DACH2: variants seen among roughly 807,000 people sequenced by gnomAD.
DACH2 encodes dachshund homolog 2.
In DACH2, 17 loss-of-function variants were observed where a neutral mutation model predicts 35.8. The ratio of observed to expected loss-of-function variants is 0.48; its 90% confidence interval spans 0.33 to 0.71. The LOEUF (loss-of-function observed/expected upper bound fraction) is 0.71, where lower values mean the gene tolerates loss of function less well. Among genes scored for constraint, DACH2 ranks in the 30% least tolerant of loss-of-function variants. The pLI, the probability that DACH2 is intolerant of heterozygous loss-of-function variation, is 0.02. For synonymous variants in DACH2, 195 were observed against 177.3 expected, an observed-to-expected ratio of 1.10 and a Z score of -0.79; for missense variants, 469 against 472.7, an observed-to-expected ratio of 0.99 and a Z score of 0.07.
chrX:86,220,002 CA>C (rs574196058), intron 1 of DACH2, among the ~76,000 whole-genome samples: 1 of 61,278 alleles, frequency 1.6e-5, no homozygotes, highest in Admixed American at 2.0e-4. Context: ...ACTAAAAATA[CA>C]AAAAAAAAAA....
At chrX:86,408,543 T>C (rs1019905272) in intron 2 of DACH2, among the ~76,000 whole-genome samples, 1 of 112,222 alleles carries the variant, frequency 8.9e-6, no homozygotes, top group Non-Finnish European at 1.9e-5. Flanking sequence ...ACACCAAATA[T>C]AGCATCTTGG....
chrX:86,324,735 G>T (rs1602404669), intron 1 of DACH2, among the ~76,000 whole-genome samples: 1 of 105,705 alleles, frequency 9.5e-6, no homozygotes, highest in South Asian at 4.3e-4. Flanking sequence ...CCCGCACCTT[G>T]CCTGGCTAAT....
chrX:86,781,029 G>T (rs2042084604), intron 7 of DACH2, among the ~76,000 whole-genome samples: 1 of 111,541 alleles, frequency 9.0e-6, no homozygotes, highest in South Asian at 3.8e-4. Flanking sequence ...TATAAACTCA[G>T]TGTTTCAGCT....
At chrX:86,247,106 A>C (rs145243288) in intron 1 of DACH2, among the ~76,000 whole-genome samples, 1 of 112,142 alleles carries the variant, frequency 8.9e-6, no homozygotes, top group Non-Finnish European at 1.9e-5. Context: ...GGTAAGGTTC[A>C]ATTCAACAAG....
intron 11 of DACH2, among the ~76,000 whole-genome samples, chrX:86,821,362 T>C (rs770405595): frequency 9.0e-6 from 1 of 110,984 alleles, no homozygotes; most frequent in African/African-American, 3.3e-5. Flanking sequence ...CCTTGAAGAG[T>C]AGGATCCTTT....
intron 2 of DACH2, among the ~76,000 whole-genome samples, chrX:86,429,629 C>G (rs1408287568): frequency 9.2e-6 from 1 of 109,062 alleles, no homozygotes; most frequent in Non-Finnish European, 1.9e-5. Flanking sequence ...GGTGCGATCT[C>G]GGCTCACTGC....
At chrX:86,637,915 T>C (rs969456261) in intron 3 of DACH2, among the ~76,000 whole-genome samples, 7 of 111,893 alleles carry the variant, frequency 6.3e-5, no homozygotes, top group Admixed American at 4.7e-4. Context: ...GTCATTTTCC[T>C]AAAATTCACG....
intron 7 of DACH2, among the ~76,000 whole-genome samples, chrX:86,747,126 A>T (rs1337911869): frequency 9.0e-6 from 1 of 111,558 alleles, no homozygotes; most frequent in Non-Finnish European, 1.9e-5. Flanking sequence ...ATAAAGACAT[A>T]TGAGTCTTTT....
chrX:86,686,805 G>A (rs2040949622), intron 4 of DACH2, among the ~76,000 whole-genome samples: 1 of 111,813 alleles, frequency 8.9e-6, no homozygotes, highest in African/African-American at 3.2e-5. Flanking sequence ...GAAGAGCACT[G>A]TGCCTTCATC....
At chrX:86,152,088 G>C (rs1486145368) in intron 1 of DACH2, among the ~76,000 whole-genome samples, 1 of 111,878 alleles carries the variant, frequency 8.9e-6, no homozygotes, top group African/African-American at 3.2e-5. Context: ...TTAGCGAATA[G>C]AAACTCTTAA....
chrX:86,544,319 C>T (rs2038928741), intron 3 of DACH2, among the ~76,000 whole-genome samples: 1 of 110,741 alleles, frequency 9.0e-6, no homozygotes, highest in South Asian at 3.9e-4. Flanking sequence ...TACCAGACAA[C>T]AATCCCTAAG....
intron 2 of DACH2, among the ~76,000 whole-genome samples, chrX:86,478,170 T>G (rs780810976): frequency 1.8e-5 from 2 of 112,033 alleles, no homozygotes; most frequent in Non-Finnish European, 3.8e-5. Flanking sequence ...ATATTCTGTA[T>G]TTTTCTGTGT....
At chrX:86,490,543 T>C (rs2038080018) in intron 2 of DACH2, among the ~76,000 whole-genome samples, 1 of 111,440 alleles carries the variant, frequency 9.0e-6, no homozygotes, top group South Asian at 3.7e-4. Context: ...CGATGGAATA[T>C]AGCAACTGCC....
At chrX:86,167,461 G>T (rs1399743750) in intron 1 of DACH2, among the ~76,000 whole-genome samples, 5 of 109,691 alleles carry the variant, frequency 4.6e-5, no homozygotes, top group African/African-American at 1.7e-4. Context: ...TTCTTAATTA[G>T]TCTGGCTAAA....
chrX:86,158,046 TA>T lies in DACH2; in HGVS notation c.488+8943del, dbSNP rs949999246. On this transcript the variant is annotated intron_variant, in intron 1 of 11. Transcript: ENST00000373125. ...GCATACTAAATTCACAGAAACTATA[TA>T]AAAACTTTAATATGATAAAAAAGAT... is the stretch of plus-strand genomic sequence containing the variant. 8.2e-4 allele frequency among the ~76,000 whole-genome samples: 91 copies of T among 111,332 alleles called. No homozygotes were observed. In the Middle Eastern group the frequency reaches 0.033, roughly 40 times the overall value.
intron 3 of DACH2, among the ~76,000 whole-genome samples, chrX:86,593,398 TTTTTATTTTATTTTA>T (rs199630866): frequency 1.3e-4 from 12 of 91,466 alleles, no homozygotes; most frequent in Admixed American, 5.6e-4. Context: ...TATATATATT[TTTTTATTTTATTTTA>T]TTTTATTTTA....
intron 1 of DACH2, among the ~76,000 whole-genome samples, chrX:86,244,186 A>G (rs2033229449): frequency 9.0e-6 from 1 of 111,697 alleles, no homozygotes; most frequent in Admixed American, 9.6e-5. Flanking sequence ...AGCAAAGCCA[A>G]TCAAAAAGAT....
intron 1 of DACH2, among the ~76,000 whole-genome samples, chrX:86,152,431 T>G (rs1055388883): frequency 9.0e-6 from 1 of 111,621 alleles, no homozygotes; most frequent in Non-Finnish European, 1.9e-5. Flanking sequence ...AATGAATGAG[T>G]AAAATATATA....
chrX:86,377,808 A>G (rs777994517), intron 2 of DACH2, among the ~76,000 whole-genome samples: 1 of 110,667 alleles, frequency 9.0e-6, no homozygotes, highest in Admixed American at 9.6e-5. Flanking sequence ...CATACAAAAT[A>G]AAACATCACT....
Sources: allele counts gnomAD v4.1 joint callset (sites outside exome capture counted in the v4.1 genomes callset), GRCh38; gene constraint gnomAD v4.1.1; transcripts MANE v1.5; gene names NCBI Gene and HGNC (gene_info 2026-07-23, HGNC 2026-07-21).